NUP210L: variants seen among roughly 807,000 people sequenced by gnomAD.
NUP210L encodes nucleoporin 210 like, also known as nuclear pore membrane glycoprotein 210-like.
NUP210L carries 74 observed loss-of-function variants against 208.5 expected under a neutral mutation model. That is an observed-to-expected ratio of 0.35 (90% confidence interval 0.29 to 0.43). NUP210L has a LOEUF of 0.43. NUP210L is among the 20% of genes least tolerant of loss of function. The probability of loss-of-function intolerance (pLI) is 1.00; values close to 1 mark genes in which losing one functional copy is unlikely to be tolerated. For synonymous variants in NUP210L, 780 were observed against 816.9 expected (o/e 0.95, Z 0.77); for missense variants, 1,843 against 2,289.4 (o/e 0.81, Z 3.98).
At chr1:154,038,637 G>A (rs1571201165) in intron 27 of NUP210L, among the ~76,000 whole-genome samples, 1 of 152,222 alleles carries the variant, frequency 6.6e-6, no homozygotes, top group South Asian at 2.1e-4. Flanking sequence ...AAGCCACCAT[G>A]CCCAGCAGAC....
At chr1:153,993,499 G>T (rs996057350) in intron 38 of NUP210L, among the ~76,000 whole-genome samples, 1 of 151,868 alleles carries the variant, frequency 6.6e-6, no homozygotes, top group African/African-American at 2.4e-5. Context: ...CTGGGAGGCG[G>T]AGCTTGTAGT....
intron 7 of NUP210L, 110 bp from the exon 8 acceptor site, chr1:154,129,455 A>T: frequency 1.4e-6 from 1 of 730,800 alleles, no homozygotes; most frequent in South Asian, 1.8e-5. Context: ...ACAAACAAAA[A>T]TCCTATCTTT....
chr1:154,089,893 A>T (rs1374145535), intron 15 of NUP210L, among the ~76,000 whole-genome samples: 1 of 152,048 alleles, frequency 6.6e-6, no homozygotes, highest in Non-Finnish European at 1.5e-5. Flanking sequence ...AGACCATCAC[A>T]TAGTAAGACC....
At chr1:154,045,907 C>T (rs1653147871) in intron 27 of NUP210L, among the ~76,000 whole-genome samples, 162 bp downstream of exon 27, 1 of 152,140 alleles carries the variant, frequency 6.6e-6, no homozygotes, top group Non-Finnish European at 1.5e-5. Context: ...ATCACTTTAG[C>T]CTAGGAGGTG....
intron 37 of NUP210L, chr1:153,995,782 G>C (rs1649818414): frequency 1.5e-6 from 1 of 665,838 alleles, no homozygotes; most frequent in Admixed American, 1.8e-5. Flanking sequence ...CATGTGCCCA[G>C]GCAGACTTCA....
At chr1:154,044,293 G>A (rs940813715) in intron 27 of NUP210L, among the ~76,000 whole-genome samples, 8 of 151,918 alleles carry the variant, frequency 5.3e-5, no homozygotes, top group Non-Finnish European at 1.0e-4. Flanking sequence ...TGTAATCCCA[G>A]CTACTCAGTA....
chr1:154,135,782 G>A (rs1558002709), intron 7 of NUP210L, 32 bp downstream of exon 7: 1 of 1,587,450 alleles, frequency 6.3e-7, no homozygotes, highest in Non-Finnish European at 8.7e-7. Flanking sequence ...AGGAAGTGTA[G>A]ACTGGCAGCT....
At chr1:154,061,161 T>C in intron 18 of NUP210L, 115 bp from the exon 19 acceptor site, 1 of 659,092 alleles carries the variant, frequency 1.5e-6, no homozygotes, top group Non-Finnish European at 2.6e-6. Flanking sequence ...GCAGATCACC[T>C]GAGGCCAGGA....
chr1:154,061,532 G>T, intron 18 of NUP210L, 54 bp downstream of exon 18: 1 of 1,047,694 alleles, frequency 9.5e-7, no homozygotes, highest in Non-Finnish European at 1.4e-6. Context: ...TTAAAGAAGA[G>T]CTTTACATTC....
chr1:154,065,915 A>G (rs974543814), intron 17 of NUP210L, among the ~76,000 whole-genome samples: 33 of 146,312 alleles, frequency 2.3e-4, no homozygotes, highest in South Asian at 6.6e-4. Context: ...AAAAAAAAAA[A>G]AAAGAAAGAA....
At chr1:154,006,619 G>T (rs533407334) in intron 35 of NUP210L, among the ~76,000 whole-genome samples, 3 of 149,636 alleles carry the variant, frequency 2.0e-5, no homozygotes, top group Non-Finnish European at 4.5e-5. Flanking sequence ...TCAGCCTCCC[G>T]AGTAGCTGGG....
At chr1:154,096,284 T>C (rs1415422457) in intron 14 of NUP210L, among the ~76,000 whole-genome samples, 1 of 152,208 alleles carries the variant, frequency 6.6e-6, no homozygotes, top group African/African-American at 2.4e-5. Context: ...TATTGAGTAC[T>C]ATTAAAACTG....
At chr1:154,062,732 T>C (rs1376730606) in intron 17 of NUP210L, among the ~76,000 whole-genome samples, 2 of 151,614 alleles carry the variant, frequency 1.3e-5, no homozygotes, top group Admixed American at 1.3e-4. Flanking sequence ...GGACCACAGG[T>C]GCACGTCAAC....
intron 34 of NUP210L, among the ~76,000 whole-genome samples, chr1:154,011,551 T>C (rs1650921729): frequency 6.8e-6 from 1 of 146,826 alleles, no homozygotes; most frequent in Non-Finnish European, 1.5e-5. Flanking sequence ...TTCTGAGAGA[T>C]GGGGTCTTGC....
chr1:154,084,607 T>C (rs1408889134), intron 16 of NUP210L, among the ~76,000 whole-genome samples: 1 of 151,872 alleles, frequency 6.6e-6, no homozygotes, highest in Non-Finnish European at 1.5e-5. Flanking sequence ...TATTTATTTA[T>C]TTATTTTGAG....
chr1:154,108,112 C>A (rs540179677), intron 12 of NUP210L, among the ~76,000 whole-genome samples: 13 of 151,982 alleles, frequency 8.6e-5, no homozygotes, highest in Non-Finnish European at 1.6e-4. Flanking sequence ...ATAGAAACAA[C>A]GCAAAGTTAA....
chr1:154,057,018 G>T, intron 22 of NUP210L, 71 bp from the exon 23 acceptor site: 2 of 1,480,456 alleles, frequency 1.4e-6, no homozygotes, highest in South Asian at 1.2e-5. Context: ...TTACTCTGTC[G>T]CCCAGGCTGG....
intron 13 of NUP210L, among the ~76,000 whole-genome samples, chr1:154,103,418 A>T (rs1656574693): frequency 6.6e-6 from 1 of 150,844 alleles, no homozygotes; most frequent in African/African-American, 2.4e-5. Context: ...CACGCCTGTA[A>T]TCCCAGCACT....
At chr1:154,151,741 T>C (rs556997595) in intron 2 of NUP210L, among the ~76,000 whole-genome samples, 1 of 152,222 alleles carries the variant, frequency 6.6e-6, no homozygotes, top group Non-Finnish European at 1.5e-5. Flanking sequence ...TGAGCTACTG[T>C]CGTGCCATTG....
Sources: allele counts gnomAD v4.1 joint callset (sites outside exome capture counted in the v4.1 genomes callset), GRCh38; gene constraint gnomAD v4.1.1; transcripts MANE v1.5; gene names NCBI Gene and HGNC (gene_info 2026-07-23, HGNC 2026-07-21).